CDH13: variants seen among roughly 807,000 people sequenced by gnomAD.
The protein encoded by CDH13 is cadherin 13.
Under a neutral mutation model 63.8 loss-of-function variants are expected in CDH13, and 24 were observed. The ratio of observed to expected loss-of-function variants is 0.38; its 90% CI spans 0.27 to 0.53. The LOEUF (loss-of-function observed/expected upper bound fraction) is 0.53. Among genes scored for constraint, CDH13 ranks in the 20% least tolerant of loss-of-function variants. The pLI, the probability that CDH13 is intolerant of heterozygous loss-of-function variation, is 0.85. For synonymous variants in CDH13, 503 were observed against 355.3 expected, an observed-to-expected ratio of 1.42 and a Z score of -4.67; for missense variants, 1,049 against 903.1, an observed-to-expected ratio of 1.16 and a Z score of -2.07.
At chr16:83,074,514 G>T (rs1328702129) in intron 3 of CDH13, among the ~76,000 whole-genome samples, 2 of 152,182 alleles carry the variant, frequency 1.3e-5, no homozygotes, top group Non-Finnish European at 2.9e-5. Context: ...TAAATACCAA[G>T]TAGTGGGATT....
At position 83,547,769 on chromosome 16, in the gene CDH13, A is replaced by G. The variant is rs115782034; in HGVS notation, c.961-54685A>G. 9.0e-3 allele frequency among the ~76,000 whole-genome samples: 1,365 copies of G among 152,232 alleles called. 19 individuals are homozygous for G. Among genetic ancestry groups the G allele is most frequent in the African/African-American group, 0.031 (1,271 of 41,540 alleles). ...AGTGCTGCAGTGAACATATGCGTGC[A>G]TGGGTCTTTGTGGTAGAATGAAGTC... On this transcript the variant is annotated intron_variant, in intron 7 of 13. Transcript: ENST00000567109.
intron 1 of CDH13, among the ~76,000 whole-genome samples, chr16:82,850,342 C>T (rs576342628): frequency 3.5e-4 from 54 of 152,146 alleles, no homozygotes; most frequent in Middle Eastern, 6.8e-3. Flanking sequence ...CAGAAGTGGT[C>T]GAAATAGCAA....
At chr16:83,575,035 G>T (rs573314453) in intron 7 of CDH13, among the ~76,000 whole-genome samples, 2 of 152,156 alleles carry the variant, frequency 1.3e-5, no homozygotes, top group South Asian at 2.1e-4. Flanking sequence ...AAATGGGCCT[G>T]TCCATACAAT....
At chr16:82,922,425 A>G (rs1204704414) in intron 2 of CDH13, among the ~76,000 whole-genome samples, 1 of 152,182 alleles carries the variant, frequency 6.6e-6, no homozygotes, top group Non-Finnish European at 1.5e-5. Flanking sequence ...TAGAACTCAG[A>G]TTAGTGTATA....
At chr16:83,658,940 G>A (rs1315679230) in intron 8 of CDH13, among the ~76,000 whole-genome samples, 12 of 112,688 alleles carry the variant, frequency 1.1e-4, no homozygotes, top group South Asian at 3.3e-4. Flanking sequence ...AAGGTCCCAT[G>A]TCCTCACCAC....
Position 83,739,250 on chromosome 16 carries a change from C to G in CDH13, c.1539-8858C>G, listed in dbSNP as rs1597154077. 2.0e-5 allele frequency among the ~76,000 whole-genome samples: 3 copies of G among 152,230 alleles called. No homozygotes were observed. In the East Asian group the frequency reaches 5.8e-4, roughly 30 times the overall value. ...TGCCATGTGGAGGGTGTCTACGTGA[C>G]CAGCCCCCCAAAAAAAACCCTGAAT... On this transcript the variant is annotated intron_variant, in intron 10 of 13. Coordinates refer to ENST00000567109, the MANE Select transcript of CDH13 (RefSeq NM_001257.5).
intron 5 of CDH13, among the ~76,000 whole-genome samples, chr16:83,313,666 AG>A (rs1555528955): frequency 9.0e-5 from 13 of 144,206 alleles, no homozygotes; most frequent in African/African-American, 3.0e-4. Context: ...AAAAAAAAAA[AG>A]GGAGGTCCTT....
intron 2 of CDH13, among the ~76,000 whole-genome samples, chr16:82,944,072 A>G (rs187820685): frequency 2.6e-5 from 4 of 152,308 alleles, no homozygotes. Context: ...CTCCAGCCTT[A>G]GGAAATAACC....
At chr16:82,874,044 A>G (rs893134865) in intron 2 of CDH13, among the ~76,000 whole-genome samples, 1 of 107,236 alleles carries the variant, frequency 9.3e-6, no homozygotes, top group Non-Finnish European at 1.9e-5. Flanking sequence ...ATTTAGAAAG[A>G]TAATAAGATG....
At chr16:83,149,441 A>G (rs570705238) in intron 4 of CDH13, among the ~76,000 whole-genome samples, 4 of 152,346 alleles carry the variant, frequency 2.6e-5, no homozygotes, top group Non-Finnish European at 5.9e-5. Context: ...CACAACAGTG[A>G]GAAAACTAGA....
At chr16:83,766,734 G>C (rs1914415922) in intron 11 of CDH13, among the ~76,000 whole-genome samples, 1 of 152,182 alleles carries the variant, frequency 6.6e-6, no homozygotes, top group African/African-American at 2.4e-5. Flanking sequence ...GTTTGGCTGT[G>C]TCCCCACCCA....
intron 4 of CDH13, among the ~76,000 whole-genome samples, chr16:83,152,090 G>GA (rs2037007006): frequency 6.6e-6 from 1 of 151,912 alleles, no homozygotes; most frequent in African/African-American, 2.4e-5. Context: ...AAAATTAGAG[G>GA]AAAAAAAAGA....
chr16:82,736,258 C>G (rs1463461190), intron 1 of CDH13, among the ~76,000 whole-genome samples: 2 of 152,004 alleles, frequency 1.3e-5, no homozygotes, highest in Non-Finnish European at 2.9e-5. Context: ...GGATGCCTAA[C>G]TAAATATATT....
At chr16:82,803,804 T>C (rs2036996677) in intron 1 of CDH13, among the ~76,000 whole-genome samples, 3 of 152,124 alleles carry the variant, frequency 2.0e-5, no homozygotes, top group Admixed American at 1.3e-4. Context: ...AGAATGGTGA[T>C]TTGGGGGAGC....
chr16:83,093,769 T>G (rs2034049008), intron 3 of CDH13, among the ~76,000 whole-genome samples: 1 of 152,204 alleles, frequency 6.6e-6, no homozygotes, highest in African/African-American at 2.4e-5. Context: ...TCCAAGGAAT[T>G]CTTCCCTCAA....
chr16:83,378,482 C>T (rs1304990055), intron 6 of CDH13, among the ~76,000 whole-genome samples: 3 of 152,072 alleles, frequency 2.0e-5, no homozygotes, highest in Non-Finnish European at 4.4e-5. Flanking sequence ...GTTATTTTGT[C>T]TCATATCTCC....
At chr16:82,867,058 C>G (rs988387513) in intron 2 of CDH13, among the ~76,000 whole-genome samples, 5 of 152,222 alleles carry the variant, frequency 3.3e-5, no homozygotes, top group African/African-American at 1.2e-4. Flanking sequence ...CTGACAGTTA[C>G]TGTGTGCTCC....
At chr16:83,565,418 G>A (rs1399626536) in intron 7 of CDH13, among the ~76,000 whole-genome samples, 3 of 113,508 alleles carry the variant, frequency 2.6e-5, no homozygotes, top group African/African-American at 3.3e-5. Flanking sequence ...AGAGTTTTTC[G>A]GAAGGACTGA....
intron 6 of CDH13, among the ~76,000 whole-genome samples, chr16:83,409,943 T>G (rs1475106379): frequency 1.3e-5 from 2 of 152,240 alleles, no homozygotes; most frequent in Non-Finnish European, 2.9e-5. Context: ...TGAGAAATGT[T>G]TCCAGAAGAT....
Sources: allele counts gnomAD v4.1 joint callset (sites outside exome capture counted in the v4.1 genomes callset), GRCh38; gene constraint gnomAD v4.1.1; transcripts MANE v1.5; gene names NCBI Gene and HGNC (gene_info 2026-07-23, HGNC 2026-07-21).